Variants in MTUS2 observed in about 807,000 individuals in gnomAD.
The protein encoded by MTUS2 is microtubule-associated tumor suppressor candidate 2.
In MTUS2, 40 loss-of-function variants were observed where a neutral mutation model predicts 114.1. The observed-to-expected ratio is 0.35, with a 90% CI of 0.27 to 0.46. The LOEUF (loss-of-function observed/expected upper bound fraction) is 0.46, where lower values mean the gene tolerates loss of function less well. Among genes scored for constraint, MTUS2 ranks in the 20% least tolerant of loss-of-function variants. The pLI, the probability that MTUS2 is intolerant of heterozygous loss-of-function variation, is 1.00. For missense variants in MTUS2, 1,679 were observed against 1,705.4 expected (o/e 0.98, Z 0.27); for synonymous variants, 688 against 672.0 (o/e 1.02, Z -0.37).
intron 2 of MTUS2, among the ~76,000 whole-genome samples, chr13:28,979,409 T>C (rs932883232): frequency 1.3e-5 from 2 of 152,206 alleles, no homozygotes; most frequent in African/African-American, 2.4e-5. Context: ...TCAGGCCCTT[T>C]CCATTTTTAA....
chr13:29,209,083 T>C (rs1257768222), intron 5 of MTUS2, among the ~76,000 whole-genome samples: 1 of 152,162 alleles, frequency 6.6e-6, no homozygotes, highest in Non-Finnish European at 1.5e-5. Flanking sequence ...CTATTAGTAA[T>C]TGTTTTATAA....
chr13:29,477,983 C>G (rs961005370), intron 9 of MTUS2, among the ~76,000 whole-genome samples: 2 of 152,188 alleles, frequency 1.3e-5, no homozygotes, highest in African/African-American at 4.8e-5. Flanking sequence ...GAATTCAGTG[C>G]TACTTCTGTA....
intron 5 of MTUS2, among the ~76,000 whole-genome samples, chr13:29,209,218 T>C (rs913651056): frequency 6.6e-6 from 1 of 152,186 alleles, no homozygotes; most frequent in African/African-American, 2.4e-5. Flanking sequence ...TTAAAGTTTA[T>C]TTTGTTTGAT....
At chr13:29,375,340 CAAACCCGCAATTACTTACTTTTAATGGCA>C (rs753899810) in intron 8 of MTUS2, among the ~76,000 whole-genome samples, 118,047 of 130,258 alleles carry the variant, frequency 0.91, 57,315 homozygotes, top group East Asian at 0.96. Flanking sequence ...GTTTTAATGG[CAAACCCGCAATTACTTACTTTTAATGGCA>C]AAAACCGCAA....
At chr13:29,350,501 G>T (rs1235177197) in intron 7 of MTUS2, among the ~76,000 whole-genome samples, 1 of 151,934 alleles carries the variant, frequency 6.6e-6, no homozygotes, top group Admixed American at 6.6e-5. Flanking sequence ...TCTATGACCA[G>T]TTGGAGAAAA....
At chr13:29,425,430 A>G (rs1412262151) in intron 8 of MTUS2, among the ~76,000 whole-genome samples, 1 of 151,656 alleles carries the variant, frequency 6.6e-6, no homozygotes, top group African/African-American at 2.4e-5. Flanking sequence ...CAAACATACA[A>G]AAAAAAGAAA....
intron 7 of MTUS2, among the ~76,000 whole-genome samples, chr13:29,354,932 G>A (rs1425223424): frequency 1.3e-5 from 2 of 152,172 alleles, no homozygotes; most frequent in African/African-American, 4.8e-5. Context: ...GACCAAACCC[G>A]TGAACTGCTT....
chr13:29,111,699 T>C (rs1890889783), intron 5 of MTUS2, among the ~76,000 whole-genome samples: 1 of 152,194 alleles, frequency 6.6e-6, no homozygotes, highest in Admixed American at 6.5e-5. Flanking sequence ...TAGGCCATCT[T>C]CTGGGAAGGT....
chr13:28,859,087 TG>T (rs1305888567), intron 2 of MTUS2, among the ~76,000 whole-genome samples: 1 of 152,212 alleles, frequency 6.6e-6, no homozygotes, highest in Non-Finnish European at 1.5e-5. Flanking sequence ...GATAATTACA[TG>T]GGAGGCCCTG....
chr13:29,045,986 C>T (rs376900369), intron 4 of MTUS2, among the ~76,000 whole-genome samples: 4 of 152,304 alleles, frequency 2.6e-5, no homozygotes, highest in Admixed American at 1.3e-4. Context: ...CATCTGGACA[C>T]CCAGGCTTGA....
chr13:29,409,798 T>C (rs76346562), intron 8 of MTUS2, among the ~76,000 whole-genome samples: 2 of 90,362 alleles, frequency 2.2e-5, no homozygotes, highest in Non-Finnish European at 5.5e-5. Context: ...TTCATTCGTC[T>C]TTTTTTTTTT....
rs56965083 is a variant in MTUS2 at position 29,200,521 on chromosome 13, G to GTTTTTTTTTTTTTTTTTTT, written c.2645-81167_2645-81166insTTTTTTTTTTTTTTTTTTT. Among the ~76,000 whole-genome samples, 71 of 85,400 alleles carry GTTTTTTTTTTTTTTTTTTT rather than the reference G, an allele frequency of 8.3e-4. 8 individuals are homozygous for GTTTTTTTTTTTTTTTTTTT. The highest frequency in any genetic ancestry group is 1.6e-3 in the African/African-American group (32 of 20,212). 56.0% of individuals were successfully genotyped at this position (85,400 alleles called of 152,430 possible). A position where few individuals can be genotyped will look rare whatever the true frequency, so the allele number is the denominator to read the frequency against. On this transcript the variant is annotated intron_variant, in intron 5 of 15. Transcript: ENST00000612955. ...TGGTTTTGAGTGAGTTTCTTTTTCT[G>GTTTTTTTTTTTTTTTTTTT]TTTTTTTTTTTTTTTTGAGATGGAG...
chr13:29,120,599 A>C (rs771566679), intron 5 of MTUS2, among the ~76,000 whole-genome samples: 24 of 152,170 alleles, frequency 1.6e-4, no homozygotes, highest in Non-Finnish European at 3.1e-4. Context: ...AATTTTTTGG[A>C]AATATATCGC....
intron 7 of MTUS2, among the ~76,000 whole-genome samples, chr13:29,349,667 T>C (rs1033775314): frequency 1.3e-5 from 2 of 152,178 alleles, no homozygotes; most frequent in Non-Finnish European, 2.9e-5. Flanking sequence ...TTTTTTTCTT[T>C]AAGTACTTAA....
chr13:28,868,663 C>T (rs1877441030), intron 2 of MTUS2, among the ~76,000 whole-genome samples: 1 of 152,184 alleles, frequency 6.6e-6, no homozygotes, highest in Non-Finnish European at 1.5e-5. Context: ...GCCTCAGTAT[C>T]ACCTGCCACC....
chr13:29,120,172 T>C (rs1043024744), intron 5 of MTUS2, among the ~76,000 whole-genome samples: 1 of 152,168 alleles, frequency 6.6e-6, no homozygotes, highest in Non-Finnish European at 1.5e-5. Flanking sequence ...GGCAGTCTCA[T>C]ACACTGAGGT....
intron 2 of MTUS2, among the ~76,000 whole-genome samples, chr13:28,974,179 G>A (rs1883984141): frequency 6.6e-6 from 1 of 152,184 alleles, no homozygotes; most frequent in African/African-American, 2.4e-5. Flanking sequence ...GGGCTCTGCA[G>A]GGACAGCTGC....
At chr13:29,047,757 A>T (rs554772729) in intron 4 of MTUS2, among the ~76,000 whole-genome samples, 2 of 152,052 alleles carry the variant, frequency 1.3e-5, no homozygotes, top group South Asian at 2.1e-4. Flanking sequence ...TGATGCGCCC[A>T]CCTTGGCCTC....
intron 5 of MTUS2, among the ~76,000 whole-genome samples, chr13:29,192,655 G>A (rs1205732537): frequency 6.6e-6 from 1 of 152,022 alleles, no homozygotes; most frequent in Non-Finnish European, 1.5e-5. Flanking sequence ...CCCCATAAAT[G>A]TCATTATTAC....
Sources: allele counts gnomAD v4.1 joint callset (sites outside exome capture counted in the v4.1 genomes callset), GRCh38; gene constraint gnomAD v4.1.1; transcripts MANE v1.5; gene names NCBI Gene and HGNC (gene_info 2026-07-23, HGNC 2026-07-21).